Variants in EPC2 observed in about 807,000 individuals in gnomAD.
EPC2 encodes enhancer of polycomb homolog 2.
Under a neutral mutation model 92.1 loss-of-function variants are expected in EPC2, and 14 were observed. The observed-to-expected ratio is 0.15, with a 90% CI of 0.10 to 0.24. The LOEUF (loss-of-function observed/expected upper bound fraction) is 0.24. EPC2 is among the 10% of genes least tolerant of loss of function. The pLI is 1.00. For synonymous variants in EPC2, 340 were observed against 334.7 expected, an observed-to-expected ratio of 1.02 and a Z score of -0.17; for missense variants, 755 against 971.5, an observed-to-expected ratio of 0.78 and a Z score of 2.96.
At chr2:148,769,556 A>C (rs1006482529) in intron 8 of EPC2, among the ~76,000 whole-genome samples, 2 of 152,200 alleles carry the variant, frequency 1.3e-5, no homozygotes, top group African/African-American at 4.8e-5. Context: ...AGAATTTGTA[A>C]GTTGGTTCTA....
In EPC2 at chr2:148,784,949, A is replaced by G. The variant is rs563760376; in HGVS notation, c.2299A>G (p.Met767Val). The G allele has an allele frequency of 7.0e-6, 11 of 1,563,762 alleles. No individual in the cohort carries two copies. The highest frequency in any genetic ancestry group is 4.0e-5 in the African/African-American group (3 of 74,188). Reference protein sequence around the residue: ...ALKLATVAASMDRVPKVTPSS... With the variant: ...ALKLATVAASVDRVPKVTPSS... The stretch of plus-strand genomic sequence containing the variant: ...AAAACTTGCCACAGTTGCTGCCAGT[A>G]TGGACAGAGTGCCAAAGGTTACTCC... Residue 767 changes from methionine (M) to valine (V), a missense_variant, in exon 13 of 14, where the codon ATG becomes GTG. Met to Val is a conservative substitution (Grantham distance 21). This residue lies in a region of EPC2 where 207 missense variants were observed against 260.5 expected (regional missense o/e 0.79). Coordinates refer to ENST00000258484, the MANE Select transcript of EPC2 (RefSeq NM_015630.4).
chr2:148,704,790 T>G (rs1165916961), intron 2 of EPC2, among the ~76,000 whole-genome samples: 1 of 152,222 alleles, frequency 6.6e-6, no homozygotes, highest in Non-Finnish European at 1.5e-5. Context: ...GGAGGCAAAT[T>G]AGCTTTGCAT....
intron 1 of EPC2, among the ~76,000 whole-genome samples, chr2:148,646,613 A>G (rs1683807108): frequency 6.7e-6 from 1 of 150,008 alleles, no homozygotes; most frequent in Non-Finnish European, 1.5e-5. Flanking sequence ...TTTTTTTTTA[A>G]TTTGTTTCTA....
intron 4 of EPC2, among the ~76,000 whole-genome samples, chr2:148,757,035 C>CT (rs2105419040): frequency 6.6e-6 from 1 of 152,254 alleles, no homozygotes; most frequent in African/African-American, 2.4e-5. Flanking sequence ...ATAGGGCCGT[C>CT]TTAGAAGAAT....
chr2:148,768,792 A>G (rs1336300145), intron 7 of EPC2, among the ~76,000 whole-genome samples: 1 of 152,150 alleles, frequency 6.6e-6, no homozygotes, highest in Non-Finnish European at 1.5e-5. Context: ...CACTTAACCT[A>G]TAGGTGAAGT....
chr2:148,658,211 A>G (rs1372368017), intron 1 of EPC2, among the ~76,000 whole-genome samples: 1 of 152,074 alleles, frequency 6.6e-6, no homozygotes, highest in Non-Finnish European at 1.5e-5. Context: ...ATTGTAACTC[A>G]TGTCTGAAGG....
At chr2:148,746,959 T>C (rs1187187841) in intron 3 of EPC2, among the ~76,000 whole-genome samples, 3 of 152,146 alleles carry the variant, frequency 2.0e-5, no homozygotes, top group African/African-American at 7.2e-5. Flanking sequence ...TTTCTAAATA[T>C]TTGAGATTAA....
Position 148,762,660 on chromosome 2 carries a change from C to A in EPC2, c.816-10C>A, listed in dbSNP as rs1214572793. The A allele has an allele frequency of 3.8e-6, 6 of 1,563,634 alleles. No homozygotes were observed. Among genetic ancestry groups the A allele is most frequent in the Non-Finnish European group, 5.2e-6 (6 of 1,156,618 alleles). On this transcript the variant is annotated splice_polypyrimidine_tract_variant and intron_variant, in intron 5 of 13. Coordinates refer to ENST00000258484, the MANE Select transcript of EPC2 (RefSeq NM_015630.4). Reference sequence around the variant, plus strand: ...GCAATGTTTTCTTATATTTTTGTTACCTTTTCAAGATACCATTTGGGAGAC... The same window carrying A: ...GCAATGTTTTCTTATATTTTTGTTAACTTTTCAAGATACCATTTGGGAGAC...
intron 2 of EPC2, among the ~76,000 whole-genome samples, chr2:148,713,163 C>G (rs767821980): frequency 1.6e-4 from 24 of 152,096 alleles, no homozygotes; most frequent in Non-Finnish European, 2.8e-4. Context: ...TGTAAAACAG[C>G]CTTAGGCAGG....
chr2:148,662,147 C>G (rs552441599), intron 1 of EPC2, among the ~76,000 whole-genome samples: 8 of 152,148 alleles, frequency 5.3e-5, no homozygotes, highest in Non-Finnish European at 1.2e-4. Context: ...GAATGACGAT[C>G]ATTAAAAAGT....
chr2:148,760,149 A>T (rs1558832318), intron 4 of EPC2, among the ~76,000 whole-genome samples: 1 of 151,924 alleles, frequency 6.6e-6, no homozygotes, highest in African/African-American at 2.4e-5. Context: ...CTGAGGGAGG[A>T]GGGAGGCTGA....
chr2:148,685,908 T>G (rs969635987), intron 1 of EPC2, among the ~76,000 whole-genome samples: 3 of 152,272 alleles, frequency 2.0e-5, no homozygotes, highest in Admixed American at 6.5e-5. Flanking sequence ...AACGGTCATC[T>G]GAGCTTTCGG....
intron 2 of EPC2, among the ~76,000 whole-genome samples, chr2:148,708,636 C>A (rs1682062116): frequency 6.6e-6 from 1 of 152,200 alleles, no homozygotes. Flanking sequence ...CATCAAAAAG[C>A]TTATCCACCA....
chr2:148,665,018 G>A (rs1027236022), intron 1 of EPC2, among the ~76,000 whole-genome samples: 1 of 152,142 alleles, frequency 6.6e-6, no homozygotes, highest in African/African-American at 2.4e-5. Flanking sequence ...TTTTCAGAGT[G>A]GTTCTACCAT....
At chr2:148,646,630 C>T (rs1683807669) in intron 1 of EPC2, among the ~76,000 whole-genome samples, 1 of 149,762 alleles carries the variant, frequency 6.7e-6, no homozygotes, top group South Asian at 2.1e-4. Context: ...TCTAACGACT[C>T]AGTTTTCCAT....
At chr2:148,757,842 A>G (rs1574625900) in intron 4 of EPC2, among the ~76,000 whole-genome samples, 1 of 152,068 alleles carries the variant, frequency 6.6e-6, no homozygotes. Context: ...TCTCAAAAAT[A>G]ATAAAATAAA....
At chr2:148,721,695 T>G (rs2105391101) in intron 2 of EPC2, among the ~76,000 whole-genome samples, 1 of 148,848 alleles carries the variant, frequency 6.7e-6, no homozygotes, top group East Asian at 2.1e-4. Context: ...ATACATTTAG[T>G]AGTATTCTGT....
At chr2:148,727,954 T>C (rs1414656937) in intron 2 of EPC2, among the ~76,000 whole-genome samples, 1 of 152,212 alleles carries the variant, frequency 6.6e-6, no homozygotes, top group African/African-American at 2.4e-5. Context: ...TCATGTATTC[T>C]TTTAGGGTTT....
At chr2:148,767,379 C>G (rs1683430742) in intron 7 of EPC2, among the ~76,000 whole-genome samples, 1 of 152,052 alleles carries the variant, frequency 6.6e-6, no homozygotes, top group Non-Finnish European at 1.5e-5. Flanking sequence ...TATATAGTTT[C>G]CAGTTCCCAT....
Sources: gnomAD v4.1 joint callset for allele counts (sites outside exome capture counted in the v4.1 genomes callset) on GRCh38, gnomAD v4.1.1 for gene constraint, gnomAD v4.1.1 regional missense constraint, MANE v1.5 for transcripts, NCBI Gene and HGNC (gene_info 2026-07-23, HGNC 2026-07-21) for gene names.